The following HSPG2 variants were observed in gnomAD, a reference collection of about 807,000 sequenced individuals.
The protein encoded by HSPG2 is basement membrane-specific heparan sulfate proteoglycan core protein.
Under a neutral mutation model 526.6 loss-of-function variants are expected in HSPG2, and 278 were observed. The observed-to-expected ratio is 0.53, with a 90% confidence interval of 0.48 to 0.58. The LOEUF (loss-of-function observed/expected upper bound fraction) is 0.58, where lower values mean the gene tolerates loss of function less well. Ranked by LOEUF, HSPG2 falls within the 20% of genes least tolerant of loss-of-function variation. HSPG2 has a pLI of 0.00. For synonymous variants in HSPG2, 2,465 were observed against 2,555.4 expected (o/e 0.96, Z 1.07); for missense variants, 5,354 against 6,099.5 (o/e 0.88, Z 4.07).
rs923618054 is a variant in HSPG2, at chr1:21,904,469, C to T, written c.64-8159G>A. 2.0e-5 allele frequency among the ~76,000 whole-genome samples: 3 copies of T among 152,070 alleles called. No homozygotes were observed. Among genetic ancestry groups the T allele is most frequent in the East Asian group, 1.9e-4 (1 of 5,168 alleles). ...AGTGGGCTTTTCCATTTAAAAGGGCCGCCCCTCAGTTGTGCTGCTGACCCG... is the reference window on the plus strand; with the variant it reads ...AGTGGGCTTTTCCATTTAAAAGGGCTGCCCCTCAGTTGTGCTGCTGACCCG... On this transcript the variant is annotated intron_variant, in intron 1 of 96. Coordinates refer to ENST00000374695, the MANE Select transcript of HSPG2 (RefSeq NM_005529.7). This position sits in a 1 kb window ranked among gnomAD's most constrained non-coding sequence, Gnocchi z 4.4.
At chr1:21,924,708 G>T (rs1303940904) in intron 1 of HSPG2, among the ~76,000 whole-genome samples, 2 of 152,034 alleles carry the variant, frequency 1.3e-5, no homozygotes, top group Non-Finnish European at 2.9e-5. Context: ...CTATCTTGGG[G>T]ACTTCCTCTT....
chr1:21,862,812 C>T (rs924553587), intron 37 of HSPG2, among the ~76,000 whole-genome samples: 2 of 99,636 alleles, frequency 2.0e-5, no homozygotes, highest in Non-Finnish European at 4.5e-5. Context: ...CAGTGGCTCA[C>T]GCCTGTAATC....
intron 76 of HSPG2, chr1:21,835,164 G>T: frequency 1.5e-6 from 1 of 650,130 alleles, no homozygotes; most frequent in Non-Finnish European, 2.8e-6. Context: ...TAGACAAAGG[G>T]TCTTGGTTGT....
At chr1:21,827,990 C>A in intron 90 of HSPG2, 40 bp downstream of exon 90, 1 of 1,612,998 alleles carries the variant, frequency 6.2e-7, no homozygotes, top group Non-Finnish European at 8.5e-7. Context: ...TCCGGGGCCC[C>A]AAGACAGAGA....
chr1:21,934,961 C>G (rs1051722131), intron 1 of HSPG2, among the ~76,000 whole-genome samples: 25 of 150,546 alleles, frequency 1.7e-4, no homozygotes, highest in African/African-American at 6.1e-4. Flanking sequence ...GGCTGGAGTG[C>G]AATGGTGTGG....
Position 21,880,217 on chromosome 1 carries a change from A to G in HSPG2, c.2233T>C (p.Cys745Arg). The part of the protein sequence containing the change: ...IGYSGLSCES[C>R]DAHFTRVPGG... ...GGCACCCGAGTGAAGTGGGCATCAC[A>G]GCTCTCGCAGGACAAGCCAGAATAG... The change falls in exon 17 of 97, where the codon TGT (cysteine) becomes CGT (arginine). Residue 745 changes from cysteine to arginine, a missense_variant. By Grantham distance (180) the Cys-to-Arg change is radical (BLOSUM62 -3). Transcript: ENST00000374695. 3 of 1,614,068 alleles carry G rather than the reference A, an allele frequency of 1.9e-6. No homozygotes were observed. Among genetic ancestry groups the G allele is most frequent in the Non-Finnish European group, 8.5e-7 (1 of 1,180,042 alleles).
In HSPG2 at chr1:21,884,810, C is replaced by T; in HGVS notation, c.1464G>A (p.Val488=). ...CAAGGACACCGTCAGGAATGCCAAA[C>T]ACCATGCCCCGGGCGTTCATGGCCT... ...TCEAMNARGM[V]FGIPDGVLEL... Residue 488 remains valine, a synonymous_variant, in exon 12 of 97, where the codon GTG becomes GTA. Transcript: ENST00000374695. The T allele has an allele frequency of 6.2e-7, 1 of 1,613,814 alleles. No homozygotes were observed. The highest frequency in any genetic ancestry group is 8.5e-7 in the Non-Finnish European group (1 of 1,180,014).
Position 21,847,380 on chromosome 1 carries a change from A to G in HSPG2, c.8138T>C (p.Val2713Ala), listed in dbSNP as rs1638520939. ...GGAGGGGCTGCCGGCGCTAGGGGAGACGGAGATGACGATGGAGGCCTCCAG... is the reference window on the plus strand; with the variant it reads ...GGAGGGGCTGCCGGCGCTAGGGGAGGCGGAGATGACGATGGAGGCCTCCAG... ...DALEASIVIS[V>A]SPSAGSPSAP... Residue 2713 changes from valine (V) to alanine (A), a missense_variant, in exon 62 of 97, where the codon GTC becomes GCC. Transcript: ENST00000374695. This position sits in a 1 kb window ranked among gnomAD's most constrained non-coding sequence, Gnocchi z 4.1. 1.2e-6 allele frequency: 2 copies of G among 1,613,808 alleles called. No homozygotes were observed. Among genetic ancestry groups the G allele is most frequent in the African/African-American group, 2.7e-5 (2 of 74,972 alleles).
Position 21,842,080 on chromosome 1 carries a change from C to T in HSPG2, c.9115G>A (p.Ala3039Thr). 1.2e-6 allele frequency: 2 copies of T among 1,613,694 alleles called. No individual in the cohort carries two copies. The highest frequency in any genetic ancestry group is 1.7e-6 in the Non-Finnish European group (2 of 1,180,030). Residue 3039 changes from alanine (A) to threonine (T), a missense_variant, in exon 69 of 97, where the codon GCC becomes ACC. Coordinates refer to ENST00000374695, the MANE Select transcript of HSPG2 (RefSeq NM_005529.7). ...PSSTVQQGQD[A>T]SFKCLIHDGA... ...TCATGGATGAGGCACTTGAAGCTGG[C>T]ATCCTGGCCCTGCTGCACGGTGCTG...
Position 21,892,943 on chromosome 1 carries a change from C to G in HSPG2, c.245-2249G>C, listed in dbSNP as rs184217010. On this transcript the variant is annotated intron_variant, in intron 3 of 96. Transcript: ENST00000374695. ...AGGACACTGGTGCAGCCAGCAGGGG[C>G]GAGGCTGCCTTGGAATAGGGGTGCT... Among the ~76,000 whole-genome samples the G allele has an allele frequency of 7.4e-4, 112 of 151,898 alleles. 1 individual carries two copies. In the East Asian group the frequency reaches 0.019, roughly 26 times the overall value.
Position 21,831,759 on chromosome 1 carries a change from GAT to G in HSPG2, c.11243_11244del (p.His3748ProfsTer27). 2 of 1,603,878 alleles carry G rather than the reference GAT, an allele frequency of 1.2e-6. No individual in the cohort carries two copies. The highest frequency in any genetic ancestry group is 1.7e-6 in the Non-Finnish European group (2 of 1,172,824). On this transcript the variant is annotated frameshift_variant, in exon 82 of 97. Transcript: ENST00000374695. LOFTEE classifies it high-confidence loss of function. ...AAATGGCCCAGGGCCAGTGGTGTGG[GAT>G]GGCGGATGGTGGCCATGCCTGAGCC... is the stretch of plus-strand genomic sequence containing the variant. ...DAGSGMATIR[H>X]PTPLALGHFH...
rs1400562661 is a variant in HSPG2, at chr1:21,872,569, A to G, written c.4029+51T>C. The stretch of plus-strand genomic sequence containing the variant: ...GGGCTCAGTGCTCAGATGGACAGTA[A>G]CAGGCAGCAGGTGGCAACACCGCCT... On this transcript the variant is annotated intron_variant, in intron 32 of 96. Transcript: ENST00000374695. The surrounding 1 kb of genome is among the most constrained non-coding windows in gnomAD (Gnocchi z 5.5). 1 of 1,554,502 alleles carries G rather than the reference A, an allele frequency of 6.4e-7. No individual in the cohort carries two copies.
chr1:21,887,107 G>A lies in HSPG2; in HGVS notation c.1078+108C>T. On this transcript the variant is annotated intron_variant, in intron 9 of 96. Transcript: ENST00000374695. The surrounding 1 kb of genome is among the most constrained non-coding windows in gnomAD (Gnocchi z 5.0). Reference sequence around the variant, plus strand: ...AAACAGGCTTGGGGGACTGGGGAGGGGGGAAAGCGGAGGGGCAGGGTAGGG... The same window carrying A: ...AAACAGGCTTGGGGGACTGGGGAGGAGGGAAAGCGGAGGGGCAGGGTAGGG... 2 of 1,254,182 alleles carry A rather than the reference G, an allele frequency of 1.6e-6. No homozygotes were observed. Among genetic ancestry groups the A allele is most frequent in the South Asian group, 2.7e-5 (2 of 74,866 alleles). The allele number at this position is 1,254,182 out of a possible 1,614,324, so 77.7% of individuals were successfully genotyped here.
chr1:21,864,773 G>T lies in HSPG2; in HGVS notation c.4626+70C>A. On this transcript the variant is annotated intron_variant, in intron 36 of 96. Transcript: ENST00000374695. This position sits in a 1 kb window ranked among gnomAD's most constrained non-coding sequence, Gnocchi z 4.8. The stretch of plus-strand genomic sequence containing the variant: ...TTATGATGGTAATCAAGGCTGCGGC[G>T]ACGCCGGCTGATTTGCTTGCTGATG... The T allele has an allele frequency of 7.6e-7, 1 of 1,311,292 alleles. No homozygotes were observed. The highest frequency in any genetic ancestry group is 1.1e-6 in the Non-Finnish European group (1 of 929,372). 81.2% of individuals were successfully genotyped at this position (1,311,292 alleles called of 1,614,324 possible). A position where few individuals can be genotyped will look rare whatever the true frequency, so the allele number is the denominator to read the frequency against.
rs1329498335 is a variant in HSPG2, at chr1:21,844,255, G to A, written c.8509C>T (p.Arg2837Ter). 10 of 1,613,602 alleles carry A rather than the reference G, an allele frequency of 6.2e-6. No homozygotes were observed. Among genetic ancestry groups the A allele is most frequent in the Non-Finnish European group, 8.5e-6 (10 of 1,180,026 alleles). Residue 2837 changes from arginine (R) to a stop codon, truncating the protein, a stop_gained, in exon 65 of 97, where the codon CGA becomes TGA. Coordinates refer to ENST00000374695, the MANE Select transcript of HSPG2 (RefSeq NM_005529.7). LOFTEE classifies it high-confidence loss of function. ...TCCAGGGTCTGCCCTTCTGCCACTC[G>A]GGAGGAGGAGGGCTCGATGCGGATG... ...PPIRIEPSSS[R>*]VAEGQTLDLK...
intron 66 of HSPG2, 99 bp from the exon 67 acceptor site, chr1:21,843,020 G>C (rs1004764303): frequency 2.1e-6 from 3 of 1,402,772 alleles, no homozygotes; most frequent in Non-Finnish European, 3.0e-6. Flanking sequence ...TGATCCTGGG[G>C]GCGCGGTGGC....
intron 66 of HSPG2, among the ~76,000 whole-genome samples, 178 bp from the exon 67 acceptor site, chr1:21,843,099 CAG>C (rs978764510): frequency 1.8e-4 from 28 of 152,140 alleles, no homozygotes; most frequent in African/African-American, 6.5e-4. Context: ...TCCTGAAACT[CAG>C]GGCTGGGGTC....
At chr1:21,863,778 G>A (rs971194857) in intron 37 of HSPG2, among the ~76,000 whole-genome samples, 4 of 151,920 alleles carry the variant, frequency 2.6e-5, no homozygotes, top group Admixed American at 2.6e-4. Flanking sequence ...AGGCCGAGGC[G>A]GGTGGGTTGC....
chr1:21,917,543 C>CT, intron 1 of HSPG2, among the ~76,000 whole-genome samples: 1 of 152,294 alleles, frequency 6.6e-6, no homozygotes, highest in Non-Finnish European at 1.5e-5. Flanking sequence ...GAAGCCATGT[C>CT]TTTAAGAACA....
Sources: gnomAD v4.1 joint callset for allele counts (sites outside exome capture counted in the v4.1 genomes callset) on GRCh38, gnomAD v4.1.1 for gene constraint, Gnocchi (gnomAD v3.1) non-coding constraint, MANE v1.5 for transcripts, NCBI Gene and HGNC (gene_info 2026-07-23, HGNC 2026-07-21) for gene names.